The following TCEA1 variants were observed in gnomAD, a reference collection of about 807,000 sequenced individuals.
TCEA1 encodes the protein transcription elongation factor A1, also known as transcription elongation factor A protein 1.
TCEA1 carries 21 observed loss-of-function variants against 43.8 expected under a neutral mutation model. The observed-to-expected ratio is 0.48, with a 90% CI of 0.34 to 0.69. The LOEUF (loss-of-function observed/expected upper bound fraction) is 0.69, where lower values mean the gene tolerates loss of function less well. Among genes scored for constraint, TCEA1 ranks in the 30% least tolerant of loss-of-function variants. The pLI is 0.01. For synonymous variants in TCEA1, 104 were observed against 117.5 expected, an observed-to-expected ratio of 0.88 and a Z score of 0.75; for missense variants, 250 against 365.1, an observed-to-expected ratio of 0.68 and a Z score of 2.57.
chr8:54,010,489 C>T lies in TCEA1; in HGVS notation c.67G>A (p.Gly23Arg). ...DKMVQKKNAA[G>R]ALDLLKELKN... The stretch of plus-strand genomic sequence containing the variant: ...AGCTCCTTTAGCAAATCCAATGCTC[C>T]AGCCTATAAAATAAAATAATTTCAT... Residue 23 changes from glycine to arginine, a missense_variant, in exon 2 of 10, where the codon GGA (glycine) becomes AGA (arginine). Gly to Arg is a moderately radical substitution (Grantham distance 125). This residue lies in a region of TCEA1 where 30 missense variants were observed against 31.8 expected (regional missense o/e 0.94). Transcript: ENST00000521604. 2 of 1,597,256 alleles carry T rather than the reference C, an allele frequency of 1.3e-6. No individual in the cohort carries two copies. The highest frequency in any genetic ancestry group is 1.7e-6 in the Non-Finnish European group (2 of 1,172,980).
rs534851727 is a variant in TCEA1, at chr8:53,978,197, G to A, written c.825+828C>T. On this transcript the variant is annotated intron_variant, in intron 8 of 9. Transcript: ENST00000521604. ...GAGGATCATTCGAGTCTGGAAATTTGGGATCAGCCTGGACAATGCAGCAAG... is the reference window on the plus strand; with the variant it reads ...GAGGATCATTCGAGTCTGGAAATTTAGGATCAGCCTGGACAATGCAGCAAG... 3.3e-5 allele frequency among the ~76,000 whole-genome samples: 5 copies of A among 151,968 alleles called. No individual in the cohort carries two copies. The South Asian group carries it at 1.0e-3, about 32-fold the overall frequency.
chr8:54,003,751 T>C (rs542745762), intron 2 of TCEA1, among the ~76,000 whole-genome samples: 1 of 152,206 alleles, frequency 6.6e-6, no homozygotes, highest in East Asian at 1.9e-4. Flanking sequence ...GTTTCTTGGA[T>C]ATGACACCTA....
intron 3 of TCEA1, among the ~76,000 whole-genome samples, chr8:53,999,267 ATCCTGAAGTGGATCTTT>A (rs1228652479): frequency 1.3e-5 from 2 of 151,130 alleles, no homozygotes; most frequent in African/African-American, 4.8e-5. Flanking sequence ...TAGCTATGTG[ATCCTGAAGTGGATCTTT>A]TCCTGAAGGT....
At chr8:54,001,071 T>C (rs1804240763) in intron 2 of TCEA1, among the ~76,000 whole-genome samples, 1 of 152,208 alleles carries the variant, frequency 6.6e-6, no homozygotes, top group Non-Finnish European at 1.5e-5. Context: ...ACTGGGATTT[T>C]AATCCAGGTT....
chr8:54,021,996 G>A, intron 1 of TCEA1, 67 bp downstream of exon 1: 3 of 1,404,206 alleles, frequency 2.1e-6, no homozygotes, highest in East Asian at 3.0e-5. Context: ...AGGAGGGAGG[G>A]GGCGGCCCCC....
chr8:54,022,378 C>G lies in TCEA1; in HGVS notation c.-253G>C. On this transcript the variant is annotated 5_prime_UTR_variant, in exon 1 of 10. Transcript: ENST00000521604. The stretch of plus-strand genomic sequence containing the variant: ...CAGGCGCTACCAACTGACTGCAGAT[C>G]GCTGGTGAGGGGCGAGCCCATGTTC... 1.9e-6 allele frequency: 1 copy of G among 538,850 alleles called. No individual in the cohort carries two copies. Among genetic ancestry groups the G allele is most frequent in the South Asian group, 2.2e-5 (1 of 46,472 alleles). 33.4% of individuals were successfully genotyped at this position (538,850 alleles called of 1,614,324 possible). A position where few individuals can be genotyped will look rare whatever the true frequency, so the allele number is the denominator to read the frequency against.
At chr8:54,006,905 T>C (rs954087559) in intron 2 of TCEA1, among the ~76,000 whole-genome samples, 4 of 151,986 alleles carry the variant, frequency 2.6e-5, no homozygotes, top group Admixed American at 6.5e-5. Context: ...TGGCGCAATC[T>C]TGACTCACTG....
intron 7 of TCEA1, among the ~76,000 whole-genome samples, chr8:53,979,588 C>T (rs1803442675): frequency 6.6e-6 from 1 of 152,168 alleles, no homozygotes; most frequent in African/African-American, 2.4e-5. Flanking sequence ...TCCCTAAAAT[C>T]GATCCCTCCT....
chr8:54,002,715 A>G (rs1303808098), intron 2 of TCEA1, among the ~76,000 whole-genome samples: 1 of 152,230 alleles, frequency 6.6e-6, no homozygotes, highest in East Asian at 1.9e-4. Context: ...AGGTTATACG[A>G]AAGTATTCTG....
At chr8:53,995,618 A>T (rs1804030061) in intron 3 of TCEA1, among the ~76,000 whole-genome samples, 1 of 152,242 alleles carries the variant, frequency 6.6e-6, no homozygotes, top group Non-Finnish European at 1.5e-5. Context: ...CTCTCTGTAT[A>T]GAATATAGAA....
chr8:53,981,851 A>G (rs1739372659), intron 7 of TCEA1, among the ~76,000 whole-genome samples: 1 of 151,648 alleles, frequency 6.6e-6, no homozygotes, highest in South Asian at 2.1e-4. Context: ...CTCTTGGCCT[A>G]AAGTGATCCT....
chr8:54,017,655 T>C (rs1341552120), intron 1 of TCEA1, among the ~76,000 whole-genome samples: 2 of 152,118 alleles, frequency 1.3e-5, no homozygotes, highest in African/African-American at 2.4e-5. Context: ...GCTCAGTGGC[T>C]CACGCCTGTA....
chr8:54,004,363 CA>C (rs1173672412), intron 2 of TCEA1, among the ~76,000 whole-genome samples: 1 of 152,076 alleles, frequency 6.6e-6, no homozygotes, highest in Non-Finnish European at 1.5e-5. Flanking sequence ...ACATAACAGC[CA>C]AAAAAGTCTA....
rs372335943 is a variant in TCEA1 at position 54,017,419 on chromosome 8, C to T, written c.63+4644G>A. On this transcript the variant is annotated intron_variant, in intron 1 of 9. Coordinates refer to ENST00000521604, the MANE Select transcript of TCEA1 (RefSeq NM_006756.4). ...AAGACAAAGAGGATGAAGACCTTTA[C>T]GACGACACATTTCCACTTCATGAAC... 6.6e-5 allele frequency among the ~76,000 whole-genome samples: 10 copies of T among 152,314 alleles called. No individual in the cohort carries two copies. In the East Asian group the frequency reaches 9.6e-4, roughly 15 times the overall value.
chr8:54,012,286 G>T (rs1383251491), intron 1 of TCEA1, among the ~76,000 whole-genome samples: 2 of 152,220 alleles, frequency 1.3e-5, no homozygotes, highest in Non-Finnish European at 2.9e-5. Flanking sequence ...TTAAGGCCGG[G>T]CGCAGTGGCT....
intron 1 of TCEA1, among the ~76,000 whole-genome samples, chr8:54,012,378 A>C (rs140537288): frequency 2.5e-4 from 38 of 152,238 alleles, no homozygotes; most frequent in Middle Eastern, 3.4e-3. Flanking sequence ...TAACCAAGAT[A>C]GTGAAACCCT....
intron 1 of TCEA1, among the ~76,000 whole-genome samples, chr8:54,016,694 G>A (rs2129314670): frequency 6.6e-6 from 1 of 152,014 alleles, no homozygotes; most frequent in East Asian, 1.9e-4. Context: ...CAAAAATCAG[G>A]CCAGGCGGTG....
At chr8:53,968,285 T>C (rs1017357020) in intron 9 of TCEA1, among the ~76,000 whole-genome samples, 173 bp from the exon 10 acceptor site, 2 of 152,070 alleles carry the variant, frequency 1.3e-5, no homozygotes, top group East Asian at 3.8e-4. Flanking sequence ...TTTCCCAACT[T>C]AGAACTACTA....
In TCEA1 at chr8:53,970,383, A is replaced by G; in HGVS notation, c.897+9T>C. The stretch of plus-strand genomic sequence containing the variant: ...TGAGTATATAATATGAATCCAAGAG[A>G]GTCCATACCTTCCATCGATTTCCAC... On this transcript the variant is annotated intron_variant, in intron 9 of 9. Coordinates refer to ENST00000521604, the MANE Select transcript of TCEA1 (RefSeq NM_006756.4). 6.3e-7 allele frequency: 1 copy of G among 1,580,508 alleles called. No homozygotes were observed. The highest frequency in any genetic ancestry group is 1.1e-5 in the South Asian group (1 of 89,762).
Sources: gnomAD v4.1 joint callset for allele counts (sites outside exome capture counted in the v4.1 genomes callset) on GRCh38, gnomAD v4.1.1 for gene constraint, gnomAD v4.1.1 regional missense constraint, MANE v1.5 for transcripts, NCBI Gene and HGNC (gene_info 2026-07-23, HGNC 2026-07-21) for gene names.